The following LAMA3 variants were observed in gnomAD, a reference collection of about 807,000 sequenced individuals.
LAMA3 encodes the protein laminin subunit alpha-3.
In LAMA3, 281 loss-of-function variants were observed where a neutral mutation model predicts 402.0. The ratio of observed to expected loss-of-function variants is 0.70; its 90% CI spans 0.63 to 0.77. The LOEUF is 0.77. LAMA3 is among the 30% of genes least tolerant of loss of function. The pLI, the probability that LAMA3 is intolerant of heterozygous loss-of-function variation, is 0.00. For synonymous variants in LAMA3, 1,431 were observed against 1,558.4 expected, an observed-to-expected ratio of 0.92 and a Z score of 1.93; for missense variants, 3,840 against 4,215.5, an observed-to-expected ratio of 0.91 and a Z score of 2.47.
chr18:23,912,770 C>T lies in LAMA3; in HGVS notation c.7218C>T (p.Asp2406=), dbSNP rs62093184. 3,255 of 1,614,020 alleles carry T rather than the reference C, an allele frequency of 2.0e-3. 7 individuals carry two copies. The highest frequency in any genetic ancestry group is 2.6e-3 in the Non-Finnish European group (3,090 of 1,179,876). ...KSGVEVRLPN[D]LEDLKGYTSL... ...GAGTCGAAGTCCGACTGCCAAATGACCTGGAAGATTTGAAAGGATATACAT... is the reference window on the plus strand; with the variant it reads ...GAGTCGAAGTCCGACTGCCAAATGATCTGGAAGATTTGAAAGGATATACAT... The change falls in exon 56 of 75, where the codon GAC becomes GAT. Residue 2406 remains aspartate (D), a synonymous_variant. Transcript: ENST00000313654.
chr18:23,750,170 C>T (rs1476764914), intron 4 of LAMA3, among the ~76,000 whole-genome samples: 2 of 152,114 alleles, frequency 1.3e-5, no homozygotes, highest in Non-Finnish European at 2.9e-5. Context: ...GTCAGGTTGG[C>T]TATTGTTAAG....
intron 27 of LAMA3, among the ~76,000 whole-genome samples, 193 bp from the exon 28 acceptor site, chr18:23,842,202 T>TAAC (rs780072259): frequency 5.3e-5 from 8 of 152,316 alleles, no homozygotes; most frequent in South Asian, 4.2e-4. Flanking sequence ...GTTTTTGTGA[T>TAAC]AACAACAACA....
intron 73 of LAMA3, among the ~76,000 whole-genome samples, chr18:23,952,598 A>G (rs1261695438): frequency 6.6e-6 from 1 of 152,238 alleles, no homozygotes; most frequent in Non-Finnish European, 1.5e-5. Flanking sequence ...CTTTGGCATC[A>G]GCTTTCAGAA....
At chr18:23,845,241 A>G (rs2063788767) in intron 30 of LAMA3, 117 bp downstream of exon 30, 1 of 707,662 alleles carries the variant, frequency 1.4e-6, no homozygotes, top group African/African-American at 1.8e-5. Context: ...GCACTGCCCA[A>G]GAGAGTGTCA....
intron 2 of LAMA3, among the ~76,000 whole-genome samples, chr18:23,734,145 T>C (rs2061436171): frequency 6.6e-6 from 1 of 152,360 alleles, no homozygotes; most frequent in Middle Eastern, 3.4e-3. Context: ...GATTTCCAAC[T>C]TAGCCAGGAC....
At position 23,784,145 on chromosome 18, in the gene LAMA3, C is replaced by G; in HGVS notation, c.1591C>G (p.Pro531Ala). 6.2e-7 allele frequency: 1 copy of G among 1,614,126 alleles called. No individual in the cohort carries two copies. Among genetic ancestry groups the G allele is most frequent in the Non-Finnish European group, 8.5e-7 (1 of 1,180,018 alleles). The change falls in exon 12 of 75, where the codon CCT (proline) becomes GCT (alanine). Residue 531 changes from proline (P) to alanine (A), a missense_variant. Pro to Ala is a conservative substitution (Grantham distance 27, BLOSUM62 -1). This residue lies in a region of LAMA3 where 2,109 missense variants were observed against 2,376.0 expected (regional missense o/e 0.89). Transcript: ENST00000313654. ...DTCRSGFYSF[P>A]ICQACWCSAL... ...CTGCCGCTCTGGTTTCTACTCATTC[C>G]CTATTTGCCAAGGTAAGTGGGCAGA... is the stretch of plus-strand genomic sequence containing the variant.
chr18:23,695,535 C>A (rs1428541823), intron 1 of LAMA3, among the ~76,000 whole-genome samples: 3 of 151,968 alleles, frequency 2.0e-5, no homozygotes, highest in South Asian at 4.2e-4. Flanking sequence ...ATGAGTCATC[C>A]TTAAGGCCAG....
intron 62 of LAMA3, among the ~76,000 whole-genome samples, chr18:23,924,044 G>A (rs1255259556): frequency 6.6e-6 from 1 of 152,152 alleles, no homozygotes; most frequent in African/African-American, 2.4e-5. Flanking sequence ...TTGTAGAGAT[G>A]GGGTCTTGCT....
intron 2 of LAMA3, among the ~76,000 whole-genome samples, chr18:23,741,472 G>A (rs902034339): frequency 4.6e-5 from 7 of 151,446 alleles, no homozygotes; most frequent in East Asian, 1.9e-4. Flanking sequence ...AATTTTAATC[G>A]CCATCGTTTC....
chr18:23,775,802 T>A lies in LAMA3; in HGVS notation c.1284T>A (p.Cys428Ter), dbSNP rs1414950722. ...TGGGATTTCTCTTAGCCTGCAGCTG[T>A]GACCCTGAGCATGCGGATGGCTGTG... ...DAPDGCIPCSCDPEHADGCEQ... is the reference protein window; with the variant it reads ...DAPDGCIPCS The change falls in exon 10 of 75, where the codon TGT becomes TGA. Residue 428 changes from cysteine (C) to a stop codon, truncating the protein, a stop_gained. Coordinates refer to ENST00000313654, the MANE Select transcript of LAMA3 (RefSeq NM_198129.4). LOFTEE classifies it high-confidence loss of function. 1 of 1,613,898 alleles carries A rather than the reference T, an allele frequency of 6.2e-7. No individual in the cohort carries two copies. The highest frequency in any genetic ancestry group is 1.3e-5 in the African/African-American group (1 of 74,932).
At chr18:23,915,130 T>A (rs1250779231) in intron 58 of LAMA3, among the ~76,000 whole-genome samples, 159 bp from the exon 59 acceptor site, 1 of 152,190 alleles carries the variant, frequency 6.6e-6, no homozygotes, top group Non-Finnish European at 1.5e-5. Context: ...TTGCCCACAG[T>A]CATACAGCTA....
Position 23,837,375 on chromosome 18 carries a change from A to G in LAMA3, c.3093+286A>G, listed in dbSNP as rs1292619847. ...TATTATAAAGAAAATGTCTTCTGTTATTATATTTCCTAGTTTACCATTATT... is the reference window on the plus strand; with the variant it reads ...TATTATAAAGAAAATGTCTTCTGTTGTTATATTTCCTAGTTTACCATTATT... On this transcript the variant is annotated intron_variant, in intron 25 of 74. Transcript: ENST00000313654. 2.2e-5 allele frequency: 8 copies of G among 358,484 alleles called. No individual in the cohort carries two copies. The South Asian group carries it at 2.4e-4, about 11-fold the overall frequency. The allele number at this position is 358,484 out of a possible 1,614,324, so 22.2% of individuals were successfully genotyped here. A position where few individuals can be genotyped will look rare whatever the true frequency, so the allele number is the denominator to read the frequency against.
intron 1 of LAMA3, among the ~76,000 whole-genome samples, chr18:23,705,456 C>CACACACAG (rs900906775): frequency 8.6e-5 from 13 of 151,386 alleles, no homozygotes; most frequent in Admixed American, 8.6e-4. Flanking sequence ...GACATACACA[C>CACACACAG]ACACACACAC....
intron 11 of LAMA3, among the ~76,000 whole-genome samples, chr18:23,778,853 A>G (rs1402135530): frequency 6.6e-6 from 1 of 152,216 alleles, no homozygotes; most frequent in Non-Finnish European, 1.5e-5. Flanking sequence ...AGTGAAGTTC[A>G]GGCTCTACAG....
intron 2 of LAMA3, among the ~76,000 whole-genome samples, chr18:23,743,328 G>C (rs2061595766): frequency 6.6e-6 from 1 of 152,152 alleles, no homozygotes; most frequent in Non-Finnish European, 1.5e-5. Context: ...CTACAACTTA[G>C]CTTAGACACC....
chr18:23,841,315 AG>A lies in LAMA3; in HGVS notation c.3337-1079del, dbSNP rs2063697288. Among the ~76,000 whole-genome samples the A allele has an allele frequency of 2.0e-5, 3 of 152,202 alleles. No homozygotes were observed. The South Asian group carries it at 6.2e-4, about 32-fold the overall frequency. Reference sequence around the variant, plus strand: ...CTGTTGAAGATTTTTGTGAGTTAAAAGATTCATTACTCAAAAAGTGAGGCTT... The same window carrying A: ...CTGTTGAAGATTTTTGTGAGTTAAAAATTCATTACTCAAAAAGTGAGGCTT... On this transcript the variant is annotated intron_variant, in intron 27 of 74. Coordinates refer to ENST00000313654, the MANE Select transcript of LAMA3 (RefSeq NM_198129.4).
At chr18:23,756,423 C>G (rs537248759) in intron 6 of LAMA3, among the ~76,000 whole-genome samples, 3 of 151,518 alleles carry the variant, frequency 2.0e-5, no homozygotes, top group African/African-American at 4.8e-5. Flanking sequence ...CGACGGCATG[C>G]GGGGACACCC....
At chr18:23,825,253 G>T (rs1435918687) in intron 21 of LAMA3, among the ~76,000 whole-genome samples, 4 of 152,260 alleles carry the variant, frequency 2.6e-5, no homozygotes, top group African/African-American at 7.2e-5. Flanking sequence ...GCCATGGGGA[G>T]TTGGAAGGAT....
In LAMA3 at chr18:23,858,710, T is replaced by C. The variant is rs1393666979; in HGVS notation, c.4303T>C (p.Cys1435Arg). Residue 1435 changes from cysteine to arginine, a missense_variant, in exon 34 of 75, where the codon TGT becomes CGT. By Grantham distance (180) the Cys-to-Arg change is radical. Around this residue, in one of 3 missense-constraint regions of LAMA3, gnomAD observed 2,109 missense variants for 2,376.0 expected, o/e 0.89. Transcript: ENST00000313654. ...ATAGGAAAATGTAGAAGGCACAGAG[T>C]GTAATGTGTGTCGAGAAGGCTCATT... ...LCKENVEGTE[C>R]NVCREGSFHL... 6.2e-7 allele frequency: 1 copy of C among 1,613,956 alleles called. No individual in the cohort carries two copies. Among genetic ancestry groups the C allele is most frequent in the African/African-American group, 1.3e-5 (1 of 74,876 alleles).
Sources: allele counts gnomAD v4.1 joint callset (sites outside exome capture counted in the v4.1 genomes callset), GRCh38; gene constraint gnomAD v4.1.1; regional missense constraint gnomAD v4.1.1; transcripts MANE v1.5; gene names NCBI Gene and HGNC (gene_info 2026-07-23, HGNC 2026-07-21).